Variants in ALMS1 observed in about 807,000 individuals in gnomAD.
The protein encoded by ALMS1 is centrosome-associated protein ALMS1.
Under a neutral mutation model 352.2 loss-of-function variants are expected in ALMS1, and 271 were observed. That is an observed-to-expected ratio of 0.77 (90% CI 0.70 to 0.85). The LOEUF (loss-of-function observed/expected upper bound fraction) is 0.85, where lower values mean the gene tolerates loss of function less well. Ranked by LOEUF, ALMS1 falls within the 40% of genes least tolerant of loss-of-function variation. The pLI, the probability that ALMS1 is intolerant of heterozygous loss-of-function variation, is 0.00. For missense variants in ALMS1, 5,445 were observed against 4,870.7 expected (o/e 1.12, Z -3.51); for synonymous variants, 1,865 against 1,761.2 (o/e 1.06, Z -1.48).
chr2:73,480,222 C>G (rs891556388), intron 9 of ALMS1, among the ~76,000 whole-genome samples: 1 of 151,936 alleles, frequency 6.6e-6, no homozygotes, highest in African/African-American at 2.4e-5. Flanking sequence ...GCTATCCGTC[C>G]CCACTCCCCC....
intron 15 of ALMS1, among the ~76,000 whole-genome samples, chr2:73,570,750 T>C (rs1573028818): frequency 6.6e-6 from 1 of 152,124 alleles, no homozygotes; most frequent in Non-Finnish European, 1.5e-5. Flanking sequence ...TTTAAAAGAA[T>C]GGGAGAGGTG....
chr2:73,476,713 C>A (rs1404572222), intron 9 of ALMS1, among the ~76,000 whole-genome samples: 1 of 151,822 alleles, frequency 6.6e-6, no homozygotes, highest in African/African-American at 2.4e-5. Flanking sequence ...CAGTTGTATA[C>A]CTTCTCTGGA....
chr2:73,493,560 T>C (rs1673036736), intron 10 of ALMS1, among the ~76,000 whole-genome samples: 1 of 151,854 alleles, frequency 6.6e-6, no homozygotes, highest in Non-Finnish European at 1.5e-5. Context: ...CCATCTCTAC[T>C]AAAAATACAA....
rs533061408 is a variant in ALMS1, at chr2:73,453,871, A to G, written c.7344A>G (p.Pro2448=). Residue 2448 remains proline, a synonymous_variant, in exon 8 of 23, where the codon CCA becomes CCG. Coordinates refer to ENST00000613296, the MANE Select transcript of ALMS1 (RefSeq NM_001378454.1). ...CTGATGTTCTTCTAAACTTCTTTCC[A>G]TATGTTTCACCCAAGACAAGTATAA... is the stretch of plus-strand genomic sequence containing the variant. ...SVSDVLLNFF[P]YVSPKTSITD... 7.4e-6 allele frequency: 12 copies of G among 1,614,126 alleles called. No individual in the cohort carries two copies. The highest frequency in any genetic ancestry group is 1.6e-4 in the Middle Eastern group (1 of 6,062).
chr2:73,489,484 T>C lies in ALMS1; in HGVS notation c.7675-150T>C, dbSNP rs1334045358. On this transcript the variant is annotated intron_variant, in intron 9 of 22. Transcript: ENST00000613296. ...GTAGTTAACTGTCTTTTTTGCTTGC[T>C]GTGCTCTTTGTCCTGTTATATTATA... The C allele has an allele frequency of 8.2e-6, 7 of 852,688 alleles. No individual in the cohort carries two copies. The African/African-American group carries it at 8.5e-5, about 10-fold the overall frequency. 52.8% of individuals were successfully genotyped at this position (852,688 alleles called of 1,614,324 possible). A position where few individuals can be genotyped will look rare whatever the true frequency, so the allele number is the denominator to read the frequency against.
At chr2:73,540,823 A>G (rs1252864597) in intron 12 of ALMS1, among the ~76,000 whole-genome samples, 3 of 152,262 alleles carry the variant, frequency 2.0e-5, no homozygotes, top group East Asian at 1.9e-4. Context: ...AGAAGAGCTA[A>G]CTATCCTAAA....
intron 12 of ALMS1, among the ~76,000 whole-genome samples, chr2:73,545,017 G>C (rs1674282680): frequency 6.6e-6 from 1 of 152,194 alleles, no homozygotes; most frequent in South Asian, 2.1e-4. Context: ...TGTTTACTAG[G>C]GGCTGGGGCT....
chr2:73,425,379 A>G (rs974782929), intron 5 of ALMS1, among the ~76,000 whole-genome samples: 12 of 152,194 alleles, frequency 7.9e-5, no homozygotes, highest in Admixed American at 6.5e-4. Flanking sequence ...TAGGAATGTT[A>G]TAGCTCCTGA....
rs772706904 is a variant in ALMS1, at chr2:73,450,132, A to G, written c.3605A>G (p.Tyr1202Cys). 3.1e-5 allele frequency: 50 copies of G among 1,613,964 alleles called. No homozygotes were observed. The highest frequency in any genetic ancestry group is 2.3e-4 in the Admixed American group (14 of 59,982). The change falls in exon 8 of 23, where the codon TAT (tyrosine) becomes TGT (cysteine). Residue 1202 changes from tyrosine to cysteine, a missense_variant. By Grantham distance (194) the Tyr-to-Cys change is radical (BLOSUM62 -2). Transcript: ENST00000613296. ...CAAAGAGAGAAACCTGGTATTTTCT[A>G]TCAACAGACCTTGCCAGGTAGTCAC... ...YSQREKPGIF[Y>C]QQTLPGSHIP...
Position 73,451,358 on chromosome 2 carries a change from C to A in ALMS1, c.4831C>A (p.Pro1611Thr), listed in dbSNP as rs935791709. ...ACCTACTGAAAAAAAGACTGACATA[C>A]CAGCAGGACCTTTAGGTTCCAGTGC... ...SGPTEKKTDI[P>T]AGPLGSSALG... The change falls in exon 8 of 23, where the codon CCA (proline) becomes ACA (threonine). Residue 1611 changes from proline to threonine, a missense_variant. By Grantham distance (38) the Pro-to-Thr change is conservative. Coordinates refer to ENST00000613296, the MANE Select transcript of ALMS1 (RefSeq NM_001378454.1). 2 of 1,613,976 alleles carry A rather than the reference C, an allele frequency of 1.2e-6. No homozygotes were observed. Among genetic ancestry groups the A allele is most frequent in the Admixed American group, 1.7e-5 (1 of 60,000 alleles).
intron 14 of ALMS1, 140 bp downstream of exon 14, chr2:73,557,494 A>G: frequency 5.4e-6 from 6 of 1,110,026 alleles, no homozygotes; most frequent in Non-Finnish European, 7.9e-6. Context: ...GTATATATGA[A>G]ATAGTTAAGG....
At chr2:73,441,882 A>G (rs1671726361) in intron 7 of ALMS1, among the ~76,000 whole-genome samples, 1 of 152,046 alleles carries the variant, frequency 6.6e-6, no homozygotes, top group South Asian at 2.1e-4. Context: ...AACTTGACTT[A>G]GATGTGCTAT....
intron 9 of ALMS1, among the ~76,000 whole-genome samples, chr2:73,486,629 A>G (rs1672853689): frequency 6.6e-6 from 1 of 152,264 alleles, no homozygotes; most frequent in Non-Finnish European, 1.5e-5. Context: ...GCACCACAGC[A>G]TAATTCCTCA....
At chr2:73,539,134 C>G (rs1185498263) in intron 12 of ALMS1, among the ~76,000 whole-genome samples, 6 of 152,194 alleles carry the variant, frequency 3.9e-5, no homozygotes, top group Non-Finnish European at 8.8e-5. Flanking sequence ...AGGCACCCCC[C>G]AGGAGGGGCA....
At position 73,454,032 on chromosome 2, in the gene ALMS1, A is replaced by G. The variant is rs1672008243; in HGVS notation, c.7505A>G (p.Asn2502Ser). The change falls in exon 8 of 23, where the codon AAT becomes AGT. Residue 2502 changes from asparagine (N) to serine (S), a missense_variant. Coordinates refer to ENST00000613296, the MANE Select transcript of ALMS1 (RefSeq NM_001378454.1). ...SLNHAKEILRNAEEEESRVRA... is the reference protein window; with the variant it reads ...SLNHAKEILRSAEEEESRVRA... ...AATCATGCTAAAGAAATACTCAGAAATGCAGAGGAAGAGGAAAGCCGGGTA... is the reference window on the plus strand; with the variant it reads ...AATCATGCTAAAGAAATACTCAGAAGTGCAGAGGAAGAGGAAAGCCGGGTA... 1 of 1,613,034 alleles carries G rather than the reference A, an allele frequency of 6.2e-7. No homozygotes were observed. Among genetic ancestry groups the G allele is most frequent in the South Asian group, 1.1e-5 (1 of 90,956 alleles).
intron 12 of ALMS1, among the ~76,000 whole-genome samples, chr2:73,546,610 A>G (rs1674325712): frequency 1.3e-5 from 2 of 152,248 alleles, no homozygotes; most frequent in South Asian, 4.1e-4. Flanking sequence ...AAGATAAACA[A>G]GTAGACCCAG....
chr2:73,532,925 T>A (rs1673951769), intron 11 of ALMS1, among the ~76,000 whole-genome samples: 1 of 152,016 alleles, frequency 6.6e-6, no homozygotes, highest in Non-Finnish European at 1.5e-5. Context: ...ACCCAAGTAC[T>A]CTTTAGTCAG....
At chr2:73,503,986 A>G (rs1673268816) in intron 10 of ALMS1, among the ~76,000 whole-genome samples, 2 of 152,162 alleles carry the variant, frequency 1.3e-5, no homozygotes, top group South Asian at 2.1e-4. Context: ...ATTAATTTGT[A>G]TCTGTACAGA....
rs1675095677 is a variant in ALMS1 at position 73,578,266 on chromosome 2, G to A, written c.11547+4842G>A. 2.0e-5 allele frequency among the ~76,000 whole-genome samples: 3 copies of A among 152,190 alleles called. No individual in the cohort carries two copies. The South Asian group carries it at 6.2e-4, about 32-fold the overall frequency. On this transcript the variant is annotated intron_variant, in intron 16 of 22. Transcript: ENST00000613296. ...ATCCTTTTAATTTCTAACTCTTTGT[G>A]TCTTTGGATGTAAAGTAAGTCTCTT...
Sources: allele counts gnomAD v4.1 joint callset (sites outside exome capture counted in the v4.1 genomes callset), GRCh38; gene constraint gnomAD v4.1.1; transcripts MANE v1.5; gene names NCBI Gene and HGNC (gene_info 2026-07-23, HGNC 2026-07-21).